Variants in DLGAP2 observed in about 807,000 individuals in gnomAD.
DLGAP2 encodes disks large-associated protein 2.
DLGAP2 carries 26 observed loss-of-function variants against 100.3 expected under a neutral mutation model. The observed-to-expected ratio is 0.26, with a 90% CI of 0.19 to 0.36. The LOEUF (loss-of-function observed/expected upper bound fraction) is 0.36. Ranked by LOEUF, DLGAP2 falls within the 10% of genes least tolerant of loss-of-function variation. The pLI, the probability that DLGAP2 is intolerant of heterozygous loss-of-function variation, is 1.00. For synonymous variants in DLGAP2, 886 were observed against 630.1 expected (o/e 1.41, Z -6.08); for missense variants, 1,858 against 1,453.2 (o/e 1.28, Z -4.53).
chr8:1,441,514 C>A (rs1322531074), intron 3 of DLGAP2, among the ~76,000 whole-genome samples: 1 of 151,788 alleles, frequency 6.6e-6, no homozygotes, highest in East Asian at 1.9e-4. Flanking sequence ...ATGGTGAAAC[C>A]CCGTCTCTAC....
chr8:769,969 A>G (rs56322294), intron 1 of DLGAP2, among the ~76,000 whole-genome samples: 4,031 of 152,242 alleles, frequency 0.026, 198 homozygotes, highest in African/African-American at 0.093. Context: ...AGCTCTACAC[A>G]GGAGGGTTTT....
At chr8:1,680,488 G>A (rs908050748) in intron 12 of DLGAP2, 1 of 152,180 alleles carries the variant, frequency 6.6e-6, no homozygotes, top group African/African-American at 2.4e-5. Flanking sequence ...GCCTTTAATT[G>A]ACTAAGCCTG....
intron 2 of DLGAP2, among the ~76,000 whole-genome samples, chr8:1,043,639 C>G (rs1017663178): frequency 1.3e-5 from 2 of 151,902 alleles, no homozygotes; most frequent in African/African-American, 2.4e-5. Flanking sequence ...GAAGGGGGAA[C>G]ATGAGCTGTG....
intron 11 of DLGAP2, 25 bp downstream of exon 11, chr8:1,676,643 G>A (rs752726801): frequency 7.5e-6 from 12 of 1,598,800 alleles, no homozygotes; most frequent in South Asian, 2.3e-5. Context: ...CCTGACACGC[G>A]GTGACCCCCG....
At chr8:941,019 CACAT>C (rs937788966) in intron 2 of DLGAP2, among the ~76,000 whole-genome samples, 2 of 152,218 alleles carry the variant, frequency 1.3e-5, no homozygotes, top group African/African-American at 4.8e-5. Flanking sequence ...GCAGGAATCA[CACAT>C]AGTTAGCCTT....
chr8:1,206,738 G>C (rs1428714830), intron 2 of DLGAP2, among the ~76,000 whole-genome samples: 1 of 152,220 alleles, frequency 6.6e-6, no homozygotes, highest in Non-Finnish European at 1.5e-5. Context: ...GCGTCCTGGA[G>C]AACTGGTCTT....
intron 3 of DLGAP2, among the ~76,000 whole-genome samples, chr8:1,364,971 C>A (rs921819562): frequency 1.2e-4 from 19 of 152,220 alleles, no homozygotes; most frequent in African/African-American, 4.6e-4. Context: ...GCCCCACTCC[C>A]TCCATGCCTG....
intron 2 of DLGAP2, among the ~76,000 whole-genome samples, chr8:941,234 C>T (rs1415088246): frequency 1.3e-5 from 2 of 152,242 alleles, no homozygotes; most frequent in East Asian, 1.9e-4. Context: ...ACAGACACAG[C>T]AGATGCTGTC....
chr8:1,627,922 C>T (rs60802086), intron 7 of DLGAP2, among the ~76,000 whole-genome samples: 5,545 of 138,900 alleles, frequency 0.04, 391 homozygotes, highest in African/African-American at 0.15. Context: ...TTCTTTCTGA[C>T]TTACTGTGGA....
chr8:843,082 T>C (rs1797012018), intron 1 of DLGAP2, among the ~76,000 whole-genome samples: 1 of 152,234 alleles, frequency 6.6e-6, no homozygotes, highest in Non-Finnish European at 1.5e-5. Flanking sequence ...TTTTTTGTTT[T>C]CTGTAATAAT....
intron 1 of DLGAP2, among the ~76,000 whole-genome samples, chr8:901,509 C>CAG (rs1798250588): frequency 6.6e-6 from 1 of 152,176 alleles, no homozygotes; most frequent in Admixed American, 6.5e-5. Context: ...GGGGCAGAGG[C>CAG]AGGGGCGCAG....
chr8:1,242,242 G>T (rs1331953566), intron 2 of DLGAP2, among the ~76,000 whole-genome samples: 1 of 152,202 alleles, frequency 6.6e-6, no homozygotes, highest in East Asian at 1.9e-4. Flanking sequence ...TGATGTGTTT[G>T]TGGAAGAGGG....
chr8:1,165,222 C>T (rs537713274), intron 2 of DLGAP2, among the ~76,000 whole-genome samples: 24 of 79,400 alleles, frequency 3.0e-4, no homozygotes, highest in Middle Eastern at 5.3e-3. Flanking sequence ...GATGGGGGGG[C>T]GGGAGGAACA....
intron 1 of DLGAP2, among the ~76,000 whole-genome samples, chr8:890,993 T>C (rs573388542): frequency 1.2e-4 from 18 of 152,262 alleles, no homozygotes; most frequent in South Asian, 8.3e-4. Flanking sequence ...GTCAGTGCTA[T>C]TGGGTTTGCA....
intron 8 of DLGAP2, among the ~76,000 whole-genome samples, chr8:1,661,442 C>T (rs560728628): frequency 1.3e-5 from 2 of 152,292 alleles, no homozygotes; most frequent in South Asian, 2.1e-4. Context: ...ACTGAGACAG[C>T]GAGTATTGCC....
At chr8:1,426,665 A>G (rs1421432253) in intron 3 of DLGAP2, among the ~76,000 whole-genome samples, 3 of 152,210 alleles carry the variant, frequency 2.0e-5, no homozygotes, top group Non-Finnish European at 2.9e-5. Context: ...CTCACCCAGA[A>G]AGATAGGAAT....
Position 1,658,222 on chromosome 8 carries a change from T to C in DLGAP2, c.1811-10107T>C, listed in dbSNP as rs984403675. Among the ~76,000 whole-genome samples the C allele has an allele frequency of 2.0e-5, 3 of 152,068 alleles. No individual in the cohort carries two copies. In the East Asian group the frequency reaches 5.8e-4, roughly 29 times the overall value. On this transcript the variant is annotated intron_variant, in intron 8 of 14. Coordinates refer to ENST00000637795, the MANE Select transcript of DLGAP2 (RefSeq NM_001346810.2). ...ACCTGGCTTTACCTGGAGGCTGCCA[T>C]GACACCCTGCACATACTGACAAGCA...
Position 1,549,302 on chromosome 8 carries a change from C to T in DLGAP2, c.849C>T (p.Arg283=), listed in dbSNP as rs1342939790. The T allele has an allele frequency of 6.2e-7, 1 of 1,612,454 alleles. No homozygotes were observed. The change falls in exon 5 of 15, where the codon CGC becomes CGT. Residue 283 remains arginine (R), a synonymous_variant. Transcript: ENST00000637795. ...KHSKRSKSKE[R]KPEGKPRPGM... ...GCAAGAGGAGCAAGAGCAAGGAGCG[C>T]AAGCCGGAGGGCAAGCCCCGGCCCG...
intron 1 of DLGAP2, among the ~76,000 whole-genome samples, chr8:813,623 G>A (rs928833879): frequency 1.3e-5 from 2 of 152,132 alleles, no homozygotes; most frequent in South Asian, 2.1e-4. Context: ...GGAGGTGAGG[G>A]CCTAGACACT....
Sources: allele counts gnomAD v4.1 joint callset (sites outside exome capture counted in the v4.1 genomes callset), GRCh38; gene constraint gnomAD v4.1.1; transcripts MANE v1.5; gene names NCBI Gene and HGNC (gene_info 2026-07-23, HGNC 2026-07-21).